IBTK: variants seen among roughly 807,000 people sequenced by gnomAD.
IBTK encodes BTK-binding protein.
IBTK carries 83 observed loss-of-function variants against 154.9 expected under a neutral mutation model. The observed-to-expected ratio is 0.54, with a 90% CI of 0.45 to 0.64. The LOEUF (loss-of-function observed/expected upper bound fraction) is 0.64. Ranked by LOEUF, IBTK falls within the 30% of genes least tolerant of loss-of-function variation. IBTK has a pLI of 0.00. For missense variants in IBTK, 1,332 were observed against 1,584.6 expected (o/e 0.84, Z 2.71); for synonymous variants, 515 against 536.1 (o/e 0.96, Z 0.54).
chr6:82,173,017 TTTG>T (rs1562065617), intron 27 of IBTK: 1 of 164,146 alleles, frequency 6.1e-6, no homozygotes, highest in Non-Finnish European at 1.3e-5. Flanking sequence ...TTTTTTTTTT[TTTG>T]AGACAGAGTC....
chr6:82,238,252 AT>A (rs201023926), intron 2 of IBTK, among the ~76,000 whole-genome samples: 1,770 of 152,078 alleles, frequency 0.012, 40 homozygotes, highest in African/African-American at 0.039. Context: ...GCAAAAAAAA[AT>A]AATAATAAAA....
At chr6:82,245,421 G>A (rs1004581748) in intron 1 of IBTK, among the ~76,000 whole-genome samples, 1 of 152,098 alleles carries the variant, frequency 6.6e-6, no homozygotes, top group African/African-American at 2.4e-5. Flanking sequence ...ATTAGGCGTA[G>A]TGGCACATCC....
rs933717556 is a variant in IBTK, at chr6:82,240,655, T to C, written c.-169A>G. 2.4e-5 allele frequency: 13 copies of C among 533,674 alleles called. No individual in the cohort carries two copies. The highest frequency in any genetic ancestry group is 1.5e-4 in the Admixed American group (4 of 27,358). 33.1% of individuals were successfully genotyped at this position (533,674 alleles called of 1,614,324 possible). A position where few individuals can be genotyped will look rare whatever the true frequency, so the allele number is the denominator to read the frequency against. Reference sequence around the variant, plus strand: ...ATAAAACTATATATCTTTATACAATTTTTTGGCACTTAAATCAAAAAAATT... The same window carrying C: ...ATAAAACTATATATCTTTATACAATCTTTTGGCACTTAAATCAAAAAAATT... On this transcript the variant is annotated 5_prime_UTR_variant, in exon 2 of 29. Transcript: ENST00000306270.
intron 24 of IBTK, 37 bp downstream of exon 24, chr6:82,191,750 C>A (rs200978162): frequency 9.7e-5 from 119 of 1,227,070 alleles, no homozygotes; most frequent in Admixed American, 3.0e-4. Flanking sequence ...GGCAGAAATA[C>A]AACATGAAAT....
At chr6:82,200,016 T>C (rs752921840) in intron 21 of IBTK, 125 bp downstream of exon 21, 14 of 644,914 alleles carry the variant, frequency 2.2e-5, no homozygotes, top group Non-Finnish European at 3.8e-5. Context: ...CTGGAGTACT[T>C]ACAATAAACT....
intron 16 of IBTK, chr6:82,205,477 A>T (rs1424062969): frequency 6.6e-6 from 1 of 152,286 alleles, no homozygotes; most frequent in East Asian, 1.9e-4. Flanking sequence ...ATTTAAAACA[A>T]CTTTCTTGGG....
chr6:82,197,020 G>T (rs995295479), intron 21 of IBTK, among the ~76,000 whole-genome samples: 2 of 152,196 alleles, frequency 1.3e-5, no homozygotes, highest in Non-Finnish European at 1.5e-5. Flanking sequence ...CTTGAAGCAA[G>T]AGGGTTGTTG....
intron 26 of IBTK, chr6:82,174,797 T>C (rs935381545): frequency 1.9e-5 from 7 of 361,588 alleles, no homozygotes; most frequent in Non-Finnish European, 3.2e-5. Flanking sequence ...GAATATTATA[T>C]AATTTGTCTG....
At chr6:82,227,733 C>A (rs1467187455) in intron 4 of IBTK, among the ~76,000 whole-genome samples, 1 of 151,996 alleles carries the variant, frequency 6.6e-6, no homozygotes, top group Non-Finnish European at 1.5e-5. Context: ...GAAACATCTT[C>A]AGAGTGTTTT....
At chr6:82,207,789 T>A (rs973170237) in intron 16 of IBTK, among the ~76,000 whole-genome samples, 4 of 152,180 alleles carry the variant, frequency 2.6e-5, no homozygotes, top group Non-Finnish European at 4.4e-5. Flanking sequence ...TTATTGTCAG[T>A]TGATTTTTGA....
rs536069238 is a variant in IBTK, at chr6:82,182,384, T to A, written c.3576-356A>T. Among the ~76,000 whole-genome samples, 8 of 152,074 alleles carry A rather than the reference T, an allele frequency of 5.3e-5. No individual in the cohort carries two copies. In the South Asian group the frequency reaches 1.7e-3, roughly 32 times the overall value. ...AGCAAAATGAAAATTCAAGAATTTT[T>A]AATATATTTTTAAAAATTCACTGTA... is the stretch of plus-strand genomic sequence containing the variant. On this transcript the variant is annotated intron_variant, in intron 25 of 28. Transcript: ENST00000306270.
chr6:82,175,816 G>C (rs1189050079), intron 26 of IBTK, among the ~76,000 whole-genome samples: 1 of 152,008 alleles, frequency 6.6e-6, no homozygotes, highest in African/African-American at 2.4e-5. Context: ...GATCACCTGA[G>C]GTCAGGAGTT....
rs201887108 is a variant in IBTK, at chr6:82,189,029, C to CA, written c.3575+2043dup. 9.4e-3 allele frequency: 3,940 copies of CA among 418,830 alleles called. 121 individuals are homozygous for CA. Among genetic ancestry groups the CA allele is most frequent in the African/African-American group, 0.069 (3,280 of 47,232 alleles). 25.9% of individuals were successfully genotyped at this position (418,830 alleles called of 1,614,324 possible). A position where few individuals can be genotyped will look rare whatever the true frequency, so the allele number is the denominator to read the frequency against. The stretch of plus-strand genomic sequence containing the variant: ...TGAACAACAGGGTGAGACTCCATCT[C>CA]AAAAAAAAAGAAGAAAAAGTAAGAA... On this transcript the variant is annotated intron_variant, in intron 25 of 28. Coordinates refer to ENST00000306270, the MANE Select transcript of IBTK (RefSeq NM_015525.4).
At chr6:82,219,277 A>G (rs2009515) in intron 9 of IBTK, among the ~76,000 whole-genome samples, 34,948 of 151,974 alleles carry the variant, frequency 0.23, 4,028 homozygotes, top group Admixed American at 0.25. Flanking sequence ...GTAGAGCTCT[A>G]ATATTTAAAC....
Position 82,197,618 on chromosome 6 carries a change from G to T in IBTK, c.3026-1172C>A, listed in dbSNP as rs1178749957. Among the ~76,000 whole-genome samples, 5 of 152,160 alleles carry T rather than the reference G, an allele frequency of 3.3e-5. No homozygotes were observed. In the South Asian group the frequency reaches 8.3e-4, roughly 25 times the overall value. ...GAGCTCCTGATTTTGTGGTCCGCCC[G>T]CCTTGGCCTCCCAAAGTGCTGGGAT... On this transcript the variant is annotated intron_variant, in intron 21 of 28. Transcript: ENST00000306270.
At chr6:82,231,986 A>G (rs1770522953) in intron 3 of IBTK, 144 bp from the exon 4 acceptor site, 5 of 514,252 alleles carry the variant, frequency 9.7e-6, no homozygotes, top group African/African-American at 1.9e-5. Context: ...GAAATAGAAA[A>G]TCCAAATCAT....
intron 26 of IBTK, among the ~76,000 whole-genome samples, chr6:82,176,899 C>T (rs1300413073): frequency 6.6e-6 from 1 of 152,090 alleles, no homozygotes; most frequent in Non-Finnish European, 1.5e-5. Context: ...TCTCTTATTT[C>T]TTCTTTTAAA....
At position 82,191,121 on chromosome 6, in the gene IBTK, T is replaced by G; in HGVS notation, c.3527A>C (p.Glu1176Ala). 6.2e-7 allele frequency: 1 copy of G among 1,603,408 alleles called. No homozygotes were observed. Among genetic ancestry groups the G allele is most frequent in the Non-Finnish European group, 8.5e-7 (1 of 1,173,940 alleles). Reference sequence around the variant, plus strand: ...TTTTGAAGGAGTGAATAAAACTGTTTCCATGCTATTCATTCCTGAATTGTT... The same window carrying G: ...TTTTGAAGGAGTGAATAAAACTGTTGCCATGCTATTCATTCCTGAATTGTT... ...KENNSGMNSMETVLFTPSKAP... is the reference protein window; with the variant it reads ...KENNSGMNSMATVLFTPSKAP... The change falls in exon 25 of 29, where the codon GAA becomes GCA. Residue 1176 changes from glutamate to alanine, a missense_variant. Around this residue, in one of 3 missense-constraint regions of IBTK, gnomAD observed 1,134 missense variants for 1,274.7 expected, o/e 0.89. Transcript: ENST00000306270.
chr6:82,171,671 G>A, intron 28 of IBTK, 115 bp from the exon 29 acceptor site: 1 of 840,100 alleles, frequency 1.2e-6, no homozygotes, highest in South Asian at 1.6e-5. Context: ...ATACAATACA[G>A]TGAAATTAAA....
Sources: allele counts gnomAD v4.1 joint callset (sites outside exome capture counted in the v4.1 genomes callset), GRCh38; gene constraint gnomAD v4.1.1; regional missense constraint gnomAD v4.1.1; transcripts MANE v1.5; gene names NCBI Gene and HGNC (gene_info 2026-07-23, HGNC 2026-07-21).